Variants in PDE4D observed in about 807,000 individuals in gnomAD.
PDE4D encodes 3',5'-cyclic-AMP phosphodiesterase 4D.
Under a neutral mutation model 87.4 loss-of-function variants are expected in PDE4D, and 24 were observed. The ratio of observed to expected loss-of-function variants is 0.27; its 90% CI spans 0.20 to 0.39. PDE4D has a LOEUF of 0.39. Ranked by LOEUF, PDE4D falls within the 10% of genes least tolerant of loss-of-function variation. The pLI, the probability that PDE4D is intolerant of heterozygous loss-of-function variation, is 1.00. For missense variants in PDE4D, 714 were observed against 1,041.0 expected, an observed-to-expected ratio of 0.69 and a Z score of 4.32; for synonymous variants, 384 against 383.2, an observed-to-expected ratio of 1.00 and a Z score of -0.02.
chr5:59,760,091 G>T (rs1761788907), intron 1 of PDE4D, among the ~76,000 whole-genome samples: 1 of 152,042 alleles, frequency 6.6e-6, no homozygotes, highest in Non-Finnish European at 1.5e-5. Context: ...GTGACAAATG[G>T]TTTCTTTCCC....
At chr5:59,601,418 CT>C (rs11331261) in intron 1 of PDE4D, among the ~76,000 whole-genome samples, 128,260 of 146,884 alleles carry the variant, frequency 0.87, 55,847 homozygotes, top group South Asian at 0.9. Flanking sequence ...TTCTGGTTTG[CT>C]TTTTTTTTTT....
chr5:59,715,887 C>T (rs934527025), intron 1 of PDE4D, among the ~76,000 whole-genome samples: 1 of 152,176 alleles, frequency 6.6e-6, no homozygotes, highest in African/African-American at 2.4e-5. Context: ...ACTGCTGTGG[C>T]CTCTGGGTCT....
At chr5:59,843,341 C>A (rs1371529677) in intron 1 of PDE4D, among the ~76,000 whole-genome samples, 2 of 151,774 alleles carry the variant, frequency 1.3e-5, no homozygotes, top group African/African-American at 4.8e-5. Context: ...GTTTTTGGAG[C>A]AAGAGAGAGG....
intron 1 of PDE4D, among the ~76,000 whole-genome samples, chr5:59,520,418 C>T (rs1276779263): frequency 1.3e-5 from 2 of 152,158 alleles, no homozygotes; most frequent in Admixed American, 6.5e-5. Flanking sequence ...AAAGTTGGTG[C>T]GACTGAATTT....
chr5:59,178,811 G>C (rs1450984334), intron 5 of PDE4D, among the ~76,000 whole-genome samples: 1 of 152,166 alleles, frequency 6.6e-6, no homozygotes, highest in Non-Finnish European at 1.5e-5. Flanking sequence ...GTCAGTTCTT[G>C]CTTATTGCAA....
chr5:59,594,150 G>GAA (rs70975322), intron 1 of PDE4D, among the ~76,000 whole-genome samples: 192 of 147,402 alleles, frequency 1.3e-3, no homozygotes, highest in East Asian at 2.2e-3. Context: ...TATGGTATAA[G>GAA]AAAAAAAAAA....
At chr5:59,620,950 T>G (rs2150109886) in intron 1 of PDE4D, among the ~76,000 whole-genome samples, 1 of 152,274 alleles carries the variant, frequency 6.6e-6, no homozygotes, top group South Asian at 2.1e-4. Flanking sequence ...GAACAAGGAT[T>G]GTATTGTCAG....
At chr5:59,489,666 T>C (rs925130525) in intron 1 of PDE4D, among the ~76,000 whole-genome samples, 1 of 152,198 alleles carries the variant, frequency 6.6e-6, no homozygotes, top group African/African-American at 2.4e-5. Flanking sequence ...TGGGGTGCCT[T>C]AGCTGCATGG....
chr5:60,096,993 G>T lies in PDE4D; in HGVS notation c.42+88564C>A, dbSNP rs577950139. Among the ~76,000 whole-genome samples the T allele has an allele frequency of 1.4e-4, 22 of 152,076 alleles. No homozygotes were observed. The East Asian group carries it at 3.9e-3, about 27-fold the overall frequency. On this transcript the variant is annotated intron_variant, in intron 2 of 16. Coordinates refer to the PDE4D transcript ENST00000502484. ...ATATAACAAGGCTCTTATTATTTCAGTCACTTGGATCTTGGATGGACATTG... is the reference window on the plus strand; with the variant it reads ...ATATAACAAGGCTCTTATTATTTCATTCACTTGGATCTTGGATGGACATTG...
intron 1 of PDE4D, among the ~76,000 whole-genome samples, chr5:59,814,742 C>T (rs1308567924): frequency 2.6e-5 from 4 of 152,162 alleles, no homozygotes; most frequent in Non-Finnish European, 4.4e-5. Context: ...GGACCAGCTG[C>T]ACTTCACAAT....
chr5:59,404,664 T>TAAAAAA (rs141310449), intron 1 of PDE4D, among the ~76,000 whole-genome samples: 5,710 of 136,910 alleles, frequency 0.042, 361 homozygotes, highest in African/African-American at 0.13. Context: ...AGACTCTGTC[T>TAAAAAA]AAAAAAAAAA....
At chr5:60,195,308 G>T (rs752033491) in intron 1 of PDE4D, among the ~76,000 whole-genome samples, 3 of 151,514 alleles carry the variant, frequency 2.0e-5, no homozygotes. Flanking sequence ...TTAATTGTAC[G>T]TCACTGCCAA....
At chr5:59,790,588 A>AACTC (rs767669593) in intron 1 of PDE4D, among the ~76,000 whole-genome samples, 20 of 152,206 alleles carry the variant, frequency 1.3e-4, no homozygotes, top group Non-Finnish European at 2.5e-4. Flanking sequence ...ACGACCAGCT[A>AACTC]ACTCACCTCA....
intron 1 of PDE4D, among the ~76,000 whole-genome samples, chr5:59,855,404 T>C (rs1029625070): frequency 1.3e-5 from 2 of 151,892 alleles, no homozygotes; most frequent in Admixed American, 6.6e-5. Context: ...TCAAAATGAG[T>C]GATGAAAAGA....
intron 1 of PDE4D, among the ~76,000 whole-genome samples, chr5:59,459,747 C>A (rs77355655): frequency 6.6e-6 from 1 of 152,124 alleles, no homozygotes; most frequent in Non-Finnish European, 1.5e-5. Context: ...CTTTTAGTTA[C>A]GGAAGGAAGC....
chr5:59,871,920 C>T (rs762113855), intron 1 of PDE4D, among the ~76,000 whole-genome samples: 8 of 152,082 alleles, frequency 5.3e-5, no homozygotes, highest in Non-Finnish European at 1.2e-4. Flanking sequence ...CCTTTTGATT[C>T]TTTTTCATCC....
At chr5:59,679,206 AAATTT>A (rs1748619523) in intron 1 of PDE4D, among the ~76,000 whole-genome samples, 1 of 152,234 alleles carries the variant, frequency 6.6e-6, no homozygotes, top group Admixed American at 6.5e-5. Flanking sequence ...AGGAACAATA[AAATTT>A]AATTCCAATA....
intron 1 of PDE4D, among the ~76,000 whole-genome samples, chr5:60,236,511 T>C (rs147778644): frequency 6.6e-6 from 1 of 152,056 alleles, no homozygotes; most frequent in Non-Finnish European, 1.5e-5. Flanking sequence ...TATCTACCTA[T>C]GATAGGCAGA....
chr5:59,561,064 C>T (rs372181323), intron 1 of PDE4D: 6 of 152,206 alleles, frequency 3.9e-5, no homozygotes, highest in African/African-American at 1.4e-4. Flanking sequence ...TTGTACTTCC[C>T]TGCCTCTTTG....
Sources: gnomAD v4.1 joint callset for allele counts (sites outside exome capture counted in the v4.1 genomes callset) on GRCh38, gnomAD v4.1.1 for gene constraint, MANE v1.5 for transcripts, NCBI Gene and HGNC (gene_info 2026-07-23, HGNC 2026-07-21) for gene names.